AUH: variants seen among roughly 807,000 people sequenced by gnomAD.
The protein encoded by AUH is AU RNA binding methylglutaconyl-CoA hydratase.
A neutral mutation model predicts 42.3 loss-of-function variants in AUH; 29 were observed. The observed-to-expected ratio is 0.69, with a 90% confidence interval of 0.51 to 0.93. The LOEUF is 0.93. Among genes scored for constraint, AUH ranks in the 40% least tolerant of loss-of-function variants. AUH has a pLI of 0.00. For synonymous variants in AUH, 174 were observed against 166.4 expected, an observed-to-expected ratio of 1.05 and a Z score of -0.35; for missense variants, 452 against 438.1, an observed-to-expected ratio of 1.03 and a Z score of -0.28.
At position 91,256,022 on chromosome 9, in the gene AUH, T is replaced by C. The variant is rs187689225; in HGVS notation, c.656-35030A>G. Among the ~76,000 whole-genome samples the C allele has an allele frequency of 5.3e-5, 8 of 152,282 alleles. No homozygotes were observed. In the East Asian group the frequency reaches 1.2e-3, roughly 22 times the overall value. On this transcript the variant is annotated intron_variant, in intron 6 of 9. Transcript: ENST00000375731. ...ATATAATTAAATTTAAATAATGTCA[T>C]GTAAACATTTTATTTCAGTTATATC...
chr9:91,224,437 T>C (rs946258019), intron 6 of AUH, among the ~76,000 whole-genome samples: 1 of 152,332 alleles, frequency 6.6e-6, no homozygotes, highest in South Asian at 2.1e-4. Flanking sequence ...TAGTGCCTGA[T>C]GCATAAAAGT....
At chr9:91,310,595 T>C in intron 4 of AUH, among the ~76,000 whole-genome samples, 1 of 152,146 alleles carries the variant, frequency 6.6e-6, no homozygotes, top group East Asian at 1.9e-4. Flanking sequence ...AATTCAAGAG[T>C]TCATCACATT....
chr9:91,351,104 G>A (rs183754986), intron 3 of AUH, among the ~76,000 whole-genome samples: 5 of 152,012 alleles, frequency 3.3e-5, no homozygotes, highest in Admixed American at 6.6e-5. Flanking sequence ...TGAGTAGCTA[G>A]GACTACAGGC....
At chr9:91,313,193 T>C (rs981861873) in intron 4 of AUH, among the ~76,000 whole-genome samples, 1 of 152,318 alleles carries the variant, frequency 6.6e-6, no homozygotes, top group East Asian at 1.9e-4. Context: ...GCTTCCTTAA[T>C]AAAGTTTCAA....
intron 3 of AUH, among the ~76,000 whole-genome samples, chr9:91,335,965 A>G (rs1830656908): frequency 1.3e-5 from 2 of 152,184 alleles, no homozygotes; most frequent in Non-Finnish European, 2.9e-5. Context: ...CCTAGCCATC[A>G]ACCACTGTGG....
intron 3 of AUH, among the ~76,000 whole-genome samples, chr9:91,330,187 T>C (rs1425997150): frequency 6.6e-6 from 1 of 152,076 alleles, no homozygotes; most frequent in Non-Finnish European, 1.5e-5. Context: ...CAAAAGAAAT[T>C]TGAATGTGAA....
At chr9:91,282,792 A>G (rs1160813321) in intron 6 of AUH, among the ~76,000 whole-genome samples, 1 of 152,172 alleles carries the variant, frequency 6.6e-6, no homozygotes, top group African/African-American at 2.4e-5. Context: ...TAGACCAATA[A>G]CAGGCTCTGA....
chr9:91,251,819 G>C (rs201154200), intron 6 of AUH, among the ~76,000 whole-genome samples: 1 of 123,928 alleles, frequency 8.1e-6, no homozygotes, highest in Non-Finnish European at 1.8e-5. Context: ...ATGTGGTAAG[G>C]GGTTGATAAA....
At chr9:91,222,724 ATATT>A (rs1827203251) in intron 6 of AUH, among the ~76,000 whole-genome samples, 1 of 152,208 alleles carries the variant, frequency 6.6e-6, no homozygotes, top group Admixed American at 6.5e-5. Context: ...TCAGATAACT[ATATT>A]TACTCATGGA....
intron 6 of AUH, among the ~76,000 whole-genome samples, chr9:91,281,254 C>T (rs1412959506): frequency 6.6e-6 from 1 of 152,154 alleles, no homozygotes; most frequent in Admixed American, 6.5e-5. Flanking sequence ...ATTTCTATTG[C>T]TCTATCTTCA....
At chr9:91,352,893 T>C (rs1478650401) in intron 3 of AUH, among the ~76,000 whole-genome samples, 2 of 152,192 alleles carry the variant, frequency 1.3e-5, no homozygotes, top group Non-Finnish European at 2.9e-5. Flanking sequence ...GGAGTTCCTA[T>C]GCTCAAGAAA....
At chr9:91,252,874 G>A (rs1275617907) in intron 6 of AUH, among the ~76,000 whole-genome samples, 1 of 152,180 alleles carries the variant, frequency 6.6e-6, no homozygotes, top group Non-Finnish European at 1.5e-5. Flanking sequence ...AATCACATAT[G>A]ATATAGCTGT....
At chr9:91,264,710 A>G (rs201559063) in intron 6 of AUH, among the ~76,000 whole-genome samples, 1 of 152,184 alleles carries the variant, frequency 6.6e-6, no homozygotes, top group East Asian at 1.9e-4. Context: ...TGAGCCCAGG[A>G]GTTTGAGACT....
intron 6 of AUH, among the ~76,000 whole-genome samples, chr9:91,253,806 T>G (rs1372379989): frequency 1.3e-5 from 2 of 152,250 alleles, no homozygotes; most frequent in Non-Finnish European, 2.9e-5. Context: ...TATATCACTA[T>G]GTGGTGGATA....
chr9:91,299,261 C>T (rs188020016), intron 4 of AUH, among the ~76,000 whole-genome samples: 16 of 152,172 alleles, frequency 1.1e-4, no homozygotes, highest in Non-Finnish European at 2.4e-4. Context: ...GTACTATCCC[C>T]CAAAATCTCT....
intron 3 of AUH, among the ~76,000 whole-genome samples, chr9:91,328,011 C>T (rs770860001): frequency 1.3e-5 from 2 of 152,182 alleles, no homozygotes; most frequent in Non-Finnish European, 2.9e-5. Flanking sequence ...ACCTGCCAGG[C>T]CAAGAGGGTG....
At chr9:91,262,873 T>C (rs1829775927) in intron 6 of AUH, among the ~76,000 whole-genome samples, 1 of 152,168 alleles carries the variant, frequency 6.6e-6, no homozygotes, top group Non-Finnish European at 1.5e-5. Context: ...GATATAGTCA[T>C]ATAGTAGAAA....
intron 6 of AUH, among the ~76,000 whole-genome samples, chr9:91,263,046 C>G (rs1012808855): frequency 1.3e-5 from 2 of 152,192 alleles, no homozygotes; most frequent in Non-Finnish European, 1.5e-5. Context: ...TCCACATGTT[C>G]TCCCCAGGTC....
chr9:91,221,120 G>A (rs1827111250), intron 6 of AUH, 128 bp from the exon 7 acceptor site: 1 of 1,018,326 alleles, frequency 9.8e-7, no homozygotes, highest in African/African-American at 1.6e-5. Context: ...TTAGTAGCTG[G>A]AAAACTACTT....
Sources: gnomAD v4.1 joint callset for allele counts (sites outside exome capture counted in the v4.1 genomes callset) on GRCh38, gnomAD v4.1.1 for gene constraint, MANE v1.5 for transcripts, NCBI Gene and HGNC (gene_info 2026-07-23, HGNC 2026-07-21) for gene names.